Variants in NFATC1 observed in about 807,000 individuals in gnomAD.
NFATC1 encodes nuclear factor of activated T-cells, cytoplasmic 1.
A neutral mutation model predicts 76.0 loss-of-function variants in NFATC1; 22 were observed. The observed-to-expected ratio is 0.29, with a 90% CI of 0.21 to 0.41. The LOEUF (loss-of-function observed/expected upper bound fraction) is 0.41. NFATC1 is among the 10% of genes least tolerant of loss of function. NFATC1 has a pLI of 1.00. For missense variants in NFATC1, 1,357 were observed against 1,337.7 expected (o/e 1.01, Z -0.23); for synonymous variants, 704 against 613.1 (o/e 1.15, Z -2.19).
In NFATC1 at chr18:79,524,723, C is replaced by G. The variant is rs1019263692; in HGVS notation, c.2783-2805C>G. Among the ~76,000 whole-genome samples, 5 of 152,182 alleles carry G rather than the reference C, an allele frequency of 3.3e-5. 1 individual carries two copies. Among genetic ancestry groups the G allele is most frequent in the Middle Eastern group, 6.8e-3 (2 of 294 alleles). On this transcript the variant is annotated intron_variant, in intron 9 of 9. Coordinates refer to ENST00000427363, the MANE Select transcript of NFATC1 (RefSeq NM_001278669.2). This position sits in a 1 kb window ranked among gnomAD's most constrained non-coding sequence, Gnocchi z 7.2. Reference sequence around the variant, plus strand: ...GAGCAAAGGAGGCTGTGGTGGCCCCCGACGGGAACCTGGGTGGCCGGGGGA... The same window carrying G: ...GAGCAAAGGAGGCTGTGGTGGCCCCGGACGGGAACCTGGGTGGCCGGGGGA...
At chr18:79,504,653 C>T (rs1660147) in intron 9 of NFATC1, among the ~76,000 whole-genome samples, 82,806 of 152,108 alleles carry the variant, frequency 0.54, 25,990 homozygotes, top group Non-Finnish European at 0.71. Flanking sequence ...ACAGACATGC[C>T]TGGTGCAGGG....
chr18:79,433,424 G>A (rs942612427), intron 2 of NFATC1, among the ~76,000 whole-genome samples, 155 bp from the exon 3 acceptor site: 4 of 152,222 alleles, frequency 2.6e-5, no homozygotes, highest in African/African-American at 9.6e-5. Context: ...CGATGAGTAA[G>A]CACTGCATTG....
intron 6 of NFATC1, among the ~76,000 whole-genome samples, chr18:79,457,235 G>A (rs938825202): frequency 3.3e-5 from 5 of 152,130 alleles, no homozygotes; most frequent in Admixed American, 2.0e-4. Flanking sequence ...GGAGGGCAGC[G>A]CCCGGGGAAG....
chr18:79,457,106 CGA>C (rs1480699328), intron 6 of NFATC1, among the ~76,000 whole-genome samples: 2 of 152,318 alleles, frequency 1.3e-5, no homozygotes, highest in East Asian at 3.9e-4. Context: ...CCGTGTGCTC[CGA>C]GAGAGGAGAG....
At chr18:79,426,996 T>C (rs957654017) in intron 2 of NFATC1, among the ~76,000 whole-genome samples, 1 of 152,198 alleles carries the variant, frequency 6.6e-6, no homozygotes, top group Non-Finnish European at 1.5e-5. Context: ...GGGTTGGGAA[T>C]GGTGGGGGCT....
At chr18:79,523,921 A>G (rs2090681168) in intron 9 of NFATC1, 1 of 152,254 alleles carries the variant, frequency 6.6e-6, no homozygotes, top group Non-Finnish European at 1.5e-5. Flanking sequence ...GGTCTCCCAC[A>G]CGCCGTGAGG....
Position 79,411,265 on chromosome 18 carries a change from C to T in NFATC1, c.990C>T (p.Gly330=), listed in dbSNP as rs376890135. The change falls in exon 2 of 10, where the codon GGC becomes GGT. Residue 330 remains glycine (G), a synonymous_variant. Transcript: ENST00000427363. The part of the protein sequence containing the change: ...TTDSSLDLGD[G]VPVKSRKTTL... ...ACAGCAGCCTGGACCTGGGAGATGG[C>T]GTCCCTGTCAAGTCCCGCAAGACCA... 52 of 1,602,996 alleles carry T rather than the reference C, an allele frequency of 3.2e-5. 1 individual carries two copies. The African/African-American group carries it at 3.5e-4, about 11-fold the overall frequency.
chr18:79,482,437 C>A (rs545955529), intron 8 of NFATC1, among the ~76,000 whole-genome samples: 1,506 of 135,500 alleles, frequency 0.011, 10 homozygotes, highest in African/African-American at 0.038. Context: ...GTGACCTGGT[C>A]CTGGGGTGTC....
At chr18:79,494,667 G>A (rs113804416) in intron 9 of NFATC1, among the ~76,000 whole-genome samples, 3 of 76,146 alleles carry the variant, frequency 3.9e-5, no homozygotes, top group Admixed American at 1.2e-4. Context: ...TGGTACCGCC[G>A]GGGGAAGGCG....
At chr18:79,406,403 G>T (rs2085439001) in intron 1 of NFATC1, among the ~76,000 whole-genome samples, 1 of 152,082 alleles carries the variant, frequency 6.6e-6, no homozygotes. Context: ...CCGAGAGGAA[G>T]TCGGGGTGTG....
At chr18:79,432,994 G>A (rs1012424010) in intron 2 of NFATC1, among the ~76,000 whole-genome samples, 2 of 152,164 alleles carry the variant, frequency 1.3e-5, no homozygotes, top group East Asian at 1.9e-4. Flanking sequence ...AGCCCTCACC[G>A]TCGTACCCCG....
intron 2 of NFATC1, among the ~76,000 whole-genome samples, chr18:79,416,514 A>G (rs1276250011): frequency 1.3e-5 from 2 of 152,086 alleles, no homozygotes; most frequent in Non-Finnish European, 2.9e-5. Context: ...GTGATGGTGA[A>G]CATAGTCTCT....
chr18:79,420,513 A>G (rs1344846413), intron 2 of NFATC1, among the ~76,000 whole-genome samples: 3 of 109,830 alleles, frequency 2.7e-5, no homozygotes, highest in Admixed American at 9.1e-5. Context: ...AGGCAGACGC[A>G]TTTCCAGGCG....
chr18:79,396,223 G>T lies in NFATC1; in HGVS notation c.-2G>T. The T allele has an allele frequency of 6.7e-7, 1 of 1,484,220 alleles. No individual in the cohort carries two copies. Among genetic ancestry groups the T allele is most frequent in the Non-Finnish European group, 9.0e-7 (1 of 1,109,164 alleles). 91.9% of individuals were successfully genotyped at this position (1,484,220 alleles called of 1,614,324 possible). On this transcript the variant is annotated 5_prime_UTR_variant, in exon 1 of 10. Transcript: ENST00000427363. Reference sequence around the variant, plus strand: ...GCTCCACTCCCCGCCGCCGCCGCGCGGATGCCAAGCACCAGCTTTCCAGTC... The same window carrying T: ...GCTCCACTCCCCGCCGCCGCCGCGCTGATGCCAAGCACCAGCTTTCCAGTC...
intron 2 of NFATC1, 150 bp downstream of exon 2, chr18:79,411,651 T>G: frequency 1.9e-6 from 1 of 528,968 alleles, no homozygotes; most frequent in Non-Finnish European, 2.6e-6. Context: ...CTCGTGGAGC[T>G]GGGAGGCAGA....
At chr18:79,506,001 A>G (rs564403389) in intron 9 of NFATC1, among the ~76,000 whole-genome samples, 3 of 152,172 alleles carry the variant, frequency 2.0e-5, no homozygotes, top group Non-Finnish European at 4.4e-5. Flanking sequence ...CCTTTACCAA[A>G]AATCACTGAA....
rs201831728 is a variant in NFATC1, at chr18:79,486,983, G to A, written c.2782+46G>A. The A allele has an allele frequency of 5.0e-4, 776 of 1,537,632 alleles. 5 individuals carry two copies. In the African/African-American group the frequency reaches 9.5e-3, roughly 19 times the overall value. On this transcript the variant is annotated intron_variant, in intron 9 of 9. Transcript: ENST00000427363. The stretch of plus-strand genomic sequence containing the variant: ...AGGTGTGTGCCCCGCCTGGCGCCAT[G>A]GCGTGAGCTCATGGAGGGGCCGTGT...
chr18:79,495,748 G>A (rs988487014), intron 9 of NFATC1, among the ~76,000 whole-genome samples: 1 of 152,284 alleles, frequency 6.6e-6, no homozygotes, highest in Non-Finnish European at 1.5e-5. Flanking sequence ...TAGGCAAGCC[G>A]TGAACAGTGG....
intron 2 of NFATC1, among the ~76,000 whole-genome samples, chr18:79,432,409 A>ACGGAGGTGAGGACGGT (rs2086630514): frequency 2.0e-5 from 3 of 152,168 alleles, no homozygotes; most frequent in South Asian, 2.1e-4. Context: ...CTCTGGCCAC[A>ACGGAGGTGAGGACGGT]TAGCGGTGAG....
Sources: allele counts gnomAD v4.1 joint callset (sites outside exome capture counted in the v4.1 genomes callset), GRCh38; gene constraint gnomAD v4.1.1; non-coding constraint Gnocchi (gnomAD v3.1); transcripts MANE v1.5; gene names NCBI Gene and HGNC (gene_info 2026-07-23, HGNC 2026-07-21).